CDK19: variants seen among roughly 807,000 people sequenced by gnomAD.
CDK19 encodes cyclin-dependent kinase 19.
A neutral mutation model predicts 68.3 loss-of-function variants in CDK19; 20 were observed. That is an observed-to-expected ratio of 0.29 (90% CI 0.21 to 0.43). CDK19 has a LOEUF of 0.43. CDK19 is among the 20% of genes least tolerant of loss of function. The probability of loss-of-function intolerance (pLI) is 1.00; values close to 1 mark genes in which losing one functional copy is unlikely to be tolerated. For synonymous variants in CDK19, 221 were observed against 222.8 expected (o/e 0.99, Z 0.07); for missense variants, 339 against 623.5 (o/e 0.54, Z 4.86).
At chr6:110,754,280 A>G (rs1368479823) in intron 1 of CDK19, among the ~76,000 whole-genome samples, 2 of 152,004 alleles carry the variant, frequency 1.3e-5, no homozygotes, top group East Asian at 3.9e-4. Flanking sequence ...CAATCCTCCC[A>G]TCTCCACCTC....
chr6:110,737,422 C>A (rs1295980393), intron 2 of CDK19, among the ~76,000 whole-genome samples: 1 of 152,156 alleles, frequency 6.6e-6, no homozygotes, highest in African/African-American at 2.4e-5. Context: ...AAAAATATGT[C>A]ACTTAGTCTT....
At chr6:110,725,544 G>A (rs919998992) in intron 2 of CDK19, among the ~76,000 whole-genome samples, 1 of 152,090 alleles carries the variant, frequency 6.6e-6, no homozygotes, top group Non-Finnish European at 1.5e-5. Context: ...AGTAGACAGA[G>A]AGAGAGGGGC....
chr6:110,769,573 A>AT (rs201794972), intron 1 of CDK19, among the ~76,000 whole-genome samples: 26 of 144,768 alleles, frequency 1.8e-4, no homozygotes, highest in African/African-American at 3.0e-4. Flanking sequence ...TCAAAAAAAA[A>AT]AAAAAATAAT....
chr6:110,792,844 T>C (rs1781694464), intron 1 of CDK19, among the ~76,000 whole-genome samples: 2 of 152,334 alleles, frequency 1.3e-5, no homozygotes, highest in South Asian at 2.1e-4. Context: ...AAATTTATCA[T>C]TGAAACCCCT....
intron 1 of CDK19, among the ~76,000 whole-genome samples, chr6:110,775,137 C>A (rs555502701): frequency 8.6e-5 from 13 of 150,866 alleles, no homozygotes; most frequent in Non-Finnish European, 1.5e-4. Context: ...CCCAGCTACT[C>A]GGGAGGCTGA....
intron 1 of CDK19, among the ~76,000 whole-genome samples, chr6:110,776,188 C>A (rs544656763): frequency 4.6e-5 from 7 of 151,978 alleles, no homozygotes; most frequent in Admixed American, 1.3e-4. Flanking sequence ...CAGCATTTTG[C>A]GAGACTGAGG....
chr6:110,669,301 C>T (rs1770786202), intron 3 of CDK19, among the ~76,000 whole-genome samples: 3 of 152,168 alleles, frequency 2.0e-5, no homozygotes, highest in South Asian at 2.1e-4. Context: ...ATATAGATGA[C>T]AAACCACATT....
At chr6:110,686,506 G>A (rs1772500524) in intron 2 of CDK19, among the ~76,000 whole-genome samples, 2 of 152,108 alleles carry the variant, frequency 1.3e-5, no homozygotes, top group African/African-American at 4.8e-5. Context: ...ACATGATAGG[G>A]TGTATCTCTT....
At chr6:110,619,088 T>G (rs1036688612) in intron 12 of CDK19, among the ~76,000 whole-genome samples, 4 of 152,178 alleles carry the variant, frequency 2.6e-5, no homozygotes, top group African/African-American at 9.7e-5. Flanking sequence ...GACACCTGAC[T>G]GCCCCTCATG....
intron 1 of CDK19, among the ~76,000 whole-genome samples, chr6:110,809,023 G>A (rs1188206454): frequency 1.3e-5 from 2 of 150,912 alleles, no homozygotes. Context: ...TGGCTAACAC[G>A]GGGAAACCCC....
chr6:110,623,940 T>C (rs969078017), intron 8 of CDK19, among the ~76,000 whole-genome samples: 2 of 148,746 alleles, frequency 1.3e-5, no homozygotes, highest in African/African-American at 4.9e-5. Context: ...TATATATATA[T>C]GTGTGTATAT....
At position 110,698,486 on chromosome 6, in the gene CDK19, T is replaced by G. The variant is rs1458642938; in HGVS notation, c.205-27945A>C. Among the ~76,000 whole-genome samples the G allele has an allele frequency of 2.6e-5, 4 of 152,194 alleles. No homozygotes were observed. In the East Asian group the frequency reaches 5.8e-4, roughly 22 times the overall value. On this transcript the variant is annotated intron_variant, in intron 2 of 12. Coordinates refer to ENST00000368911, the MANE Select transcript of CDK19 (RefSeq NM_015076.5). ...CACCTTACTTCTGCAAGAATGGCCA[T>G]TAAGAAAGCCAAAAAACAATAGATG...
At chr6:110,745,569 T>G (rs998962009) in intron 2 of CDK19, among the ~76,000 whole-genome samples, 3 of 152,158 alleles carry the variant, frequency 2.0e-5, no homozygotes, top group Non-Finnish European at 4.4e-5. Flanking sequence ...TAAAATAAAA[T>G]TCCATCACAA....
chr6:110,724,413 G>A (rs576315123), intron 2 of CDK19, among the ~76,000 whole-genome samples: 3 of 152,126 alleles, frequency 2.0e-5, no homozygotes, highest in South Asian at 2.1e-4. Flanking sequence ...ATGACTGACC[G>A]CACTGCCCTG....
In CDK19 at chr6:110,754,857, A is replaced by C. The variant is rs530446221; in HGVS notation, c.129-8656T>G. 2.0e-5 allele frequency among the ~76,000 whole-genome samples: 3 copies of C among 152,264 alleles called. No homozygotes were observed. The South Asian group carries it at 6.2e-4, about 32-fold the overall frequency. ...TTAAGTCAGACTTACTTGCAACAGA[A>C]GGTAATATAATAAGTGATGTGAGGC... On this transcript the variant is annotated intron_variant, in intron 1 of 12. Coordinates refer to ENST00000368911, the MANE Select transcript of CDK19 (RefSeq NM_015076.5).
At chr6:110,615,424 G>T (rs1243128077) in intron 12 of CDK19, among the ~76,000 whole-genome samples, 1 of 152,198 alleles carries the variant, frequency 6.6e-6, no homozygotes, top group Non-Finnish European at 1.5e-5. Flanking sequence ...TAAGAGACAA[G>T]CATAGCTGGA....
At chr6:110,668,369 G>A (rs73524688) in intron 3 of CDK19, among the ~76,000 whole-genome samples, 2,912 of 152,264 alleles carry the variant, frequency 0.019, 99 homozygotes, top group African/African-American at 0.067. Context: ...CAAATGGTAT[G>A]TAAAATTATT....
chr6:110,787,450 T>G (rs2115056226), intron 1 of CDK19, among the ~76,000 whole-genome samples: 1 of 152,212 alleles, frequency 6.6e-6, no homozygotes, highest in Admixed American at 6.5e-5. Flanking sequence ...GTTTTGTTTT[T>G]TTGTTTTGGA....
chr6:110,723,140 A>C (rs1562233811), intron 2 of CDK19, among the ~76,000 whole-genome samples: 4 of 98,164 alleles, frequency 4.1e-5, no homozygotes, highest in Non-Finnish European at 1.1e-4. Flanking sequence ...TTTGTCAAAA[A>C]AAACAAAAAA....
Sources: allele counts gnomAD v4.1 joint callset (sites outside exome capture counted in the v4.1 genomes callset), GRCh38; gene constraint gnomAD v4.1.1; transcripts MANE v1.5; gene names NCBI Gene and HGNC (gene_info 2026-07-23, HGNC 2026-07-21).